The following ZBTB20 variants were observed in gnomAD, a reference collection of about 807,000 sequenced individuals.
The protein encoded by ZBTB20 is zinc finger and BTB domain-containing protein 20.
In ZBTB20, 9 loss-of-function variants were observed where a neutral mutation model predicts 56.9. The observed-to-expected ratio is 0.16, with a 90% confidence interval of 0.10 to 0.28. The LOEUF (loss-of-function observed/expected upper bound fraction) is 0.28, where lower values mean the gene tolerates loss of function less well. Ranked by LOEUF, ZBTB20 falls within the 10% of genes least tolerant of loss-of-function variation. ZBTB20 has a pLI of 1.00. For synonymous variants in ZBTB20, 417 were observed against 420.7 expected, an observed-to-expected ratio of 0.99 and a Z score of 0.11; for missense variants, 655 against 1,003.0, an observed-to-expected ratio of 0.65 and a Z score of 4.69.
At chr3:115,082,712 T>C (rs1166564721) in intron 1 of ZBTB20, among the ~76,000 whole-genome samples, 1 of 152,042 alleles carries the variant, frequency 6.6e-6, no homozygotes, top group Non-Finnish European at 1.5e-5. Flanking sequence ...TACTATTTTC[T>C]ACACAGATGG....
chr3:114,506,343 G>T (rs116824357), intron 6 of ZBTB20, among the ~76,000 whole-genome samples: 1 of 152,210 alleles, frequency 6.6e-6, no homozygotes, highest in African/African-American at 2.4e-5. Flanking sequence ...GACTGCTTCT[G>T]CGCCTGAGAC....
At chr3:114,975,472 C>T (rs2078060040) in intron 2 of ZBTB20, among the ~76,000 whole-genome samples, 1 of 152,120 alleles carries the variant, frequency 6.6e-6, no homozygotes, top group Non-Finnish European at 1.5e-5. Flanking sequence ...TTGACTATAT[C>T]ATTAATATGC....
intron 6 of ZBTB20, among the ~76,000 whole-genome samples, chr3:114,544,431 TTC>T (rs1198123902): frequency 1.2e-5 from 1 of 83,062 alleles, no homozygotes; most frequent in South Asian, 4.6e-4. Context: ...CTTTCTTTCT[TTC>T]TTTCTTTCTT....
chr3:114,587,974 C>T (rs1349029475), intron 6 of ZBTB20, among the ~76,000 whole-genome samples: 1 of 152,166 alleles, frequency 6.6e-6, no homozygotes, highest in Admixed American at 6.5e-5. Context: ...GTGATTCTAA[C>T]CTAATCACAT....
At chr3:114,822,918 A>AAGATG (rs1253772259) in intron 4 of ZBTB20, among the ~76,000 whole-genome samples, 2 of 152,134 alleles carry the variant, frequency 1.3e-5, no homozygotes, top group Admixed American at 6.6e-5. Flanking sequence ...GTTATGAATC[A>AAGATG]AGATGAGATC....
chr3:115,146,995 G>A (rs1449133739), intron 1 of ZBTB20, among the ~76,000 whole-genome samples: 1 of 147,182 alleles, frequency 6.8e-6, no homozygotes, highest in Non-Finnish European at 1.5e-5. Context: ...GGCGCGGGCG[G>A]GGCGGGGCGG....
chr3:114,410,746 C>T (rs1441886441), intron 7 of ZBTB20, among the ~76,000 whole-genome samples: 1 of 152,156 alleles, frequency 6.6e-6, no homozygotes, highest in African/African-American at 2.4e-5. Context: ...TAAATACATA[C>T]AGTTTGGAGA....
chr3:115,091,365 A>T (rs902350835), intron 1 of ZBTB20, among the ~76,000 whole-genome samples: 7 of 152,032 alleles, frequency 4.6e-5, no homozygotes, highest in African/African-American at 1.7e-4. Context: ...ATCCTGTCAA[A>T]TCAACTAGTC....
chr3:114,489,751 G>A (rs1281098515), intron 7 of ZBTB20, among the ~76,000 whole-genome samples: 1 of 151,942 alleles, frequency 6.6e-6, no homozygotes, highest in African/African-American at 2.4e-5. Flanking sequence ...AAGCTGTTTT[G>A]CTCGACAGCT....
intron 2 of ZBTB20, among the ~76,000 whole-genome samples, chr3:115,024,789 A>G (rs2080350208): frequency 6.6e-6 from 1 of 151,076 alleles, no homozygotes; most frequent in African/African-American, 2.4e-5. Context: ...ATGCCCTAAC[A>G]CTATTATTAT....
At chr3:114,389,835 G>A (rs1345093361) in intron 7 of ZBTB20, among the ~76,000 whole-genome samples, 2 of 131,444 alleles carry the variant, frequency 1.5e-5, no homozygotes, top group Non-Finnish European at 3.1e-5. Flanking sequence ...GTTGCAGTGA[G>A]CCGAGATTGC....
chr3:114,685,164 A>G (rs2108275709), intron 6 of ZBTB20, among the ~76,000 whole-genome samples: 1 of 152,236 alleles, frequency 6.6e-6, no homozygotes, highest in East Asian at 1.9e-4. Flanking sequence ...TATAGGCTTC[A>G]GTGATGGAAA....
intron 7 of ZBTB20, among the ~76,000 whole-genome samples, chr3:114,444,811 T>C (rs776822255): frequency 2.0e-5 from 3 of 152,178 alleles, no homozygotes; most frequent in Non-Finnish European, 4.4e-5. Flanking sequence ...GAATGCAATA[T>C]ATAGTACCAT....
At chr3:114,705,868 A>G (rs760252496) in intron 5 of ZBTB20, among the ~76,000 whole-genome samples, 6 of 152,204 alleles carry the variant, frequency 3.9e-5, no homozygotes, top group Non-Finnish European at 8.8e-5. Flanking sequence ...CAGAAATTAT[A>G]CTGATCCATA....
intron 7 of ZBTB20, among the ~76,000 whole-genome samples, chr3:114,463,812 G>A (rs928237611): frequency 2.0e-5 from 3 of 152,022 alleles, no homozygotes; most frequent in African/African-American, 4.8e-5. Context: ...ATTGAATTTC[G>A]CCTAAGTTGA....
chr3:115,017,510 T>C (rs1020271471), intron 2 of ZBTB20, among the ~76,000 whole-genome samples: 1 of 151,600 alleles, frequency 6.6e-6, no homozygotes, highest in African/African-American at 2.4e-5. Flanking sequence ...TTGGTAAATC[T>C]TTTTAAGAAA....
chr3:115,021,951 A>T (rs1394640289), intron 2 of ZBTB20, among the ~76,000 whole-genome samples: 1 of 150,834 alleles, frequency 6.6e-6, no homozygotes, highest in African/African-American at 2.4e-5. Flanking sequence ...ATAGCATAAT[A>T]ATTTTAGGAA....
intron 2 of ZBTB20, among the ~76,000 whole-genome samples, chr3:115,067,730 C>CA (rs2082259960): frequency 6.6e-6 from 1 of 152,096 alleles, no homozygotes; most frequent in Non-Finnish European, 1.5e-5. Flanking sequence ...AAACATTGCA[C>CA]ATGCACATGC....
Position 114,329,707 on chromosome 3 carries a change from TGG to T in ZBTB20, c.*9296_*9297del, listed in dbSNP as rs2079174595. Reference sequence around the variant, plus strand: ...CCTGAAACTCTGGTTTTACTTTTTTTGGAAAAAAAAAAAAAAAAAAAAAAAAA... The same window carrying T: ...CCTGAAACTCTGGTTTTACTTTTTTTAAAAAAAAAAAAAAAAAAAAAAAAA... On this transcript the variant is annotated 3_prime_UTR_variant, in exon 12 of 12. Coordinates refer to ENST00000675478, the MANE Select transcript of ZBTB20 (RefSeq NM_001348800.3). The T allele has an allele frequency of 1.3e-5, 1 of 74,582 alleles. No homozygotes were observed. The allele number at this position is 74,582 out of a possible 1,614,324, so 4.6% of individuals were successfully genotyped here.
Sources: gnomAD v4.1 joint callset for allele counts (sites outside exome capture counted in the v4.1 genomes callset) on GRCh38, gnomAD v4.1.1 for gene constraint, MANE v1.5 for transcripts, NCBI Gene and HGNC (gene_info 2026-07-23, HGNC 2026-07-21) for gene names.